TRDN: variants seen among roughly 807,000 people sequenced by gnomAD.
TRDN encodes triadin.
A neutral mutation model predicts 149.7 loss-of-function variants in TRDN; 161 were observed. The ratio of observed to expected loss-of-function variants is 1.08; its 90% confidence interval spans 0.95 to 1.23. TRDN has a LOEUF of 1.23. TRDN is among the 50% of genes most tolerant of loss of function. The pLI is 0.00. For missense variants in TRDN, 896 were observed against 823.5 expected, an observed-to-expected ratio of 1.09 and a Z score of -1.08; for synonymous variants, 294 against 250.5, an observed-to-expected ratio of 1.17 and a Z score of -1.64.
At position 123,461,946 on chromosome 6, in the gene TRDN, C is replaced by T. The variant is rs140650299; in HGVS notation, c.931+2960G>A. ...GGCGTTTCAGCCCTAGTAAGAGCTC[C>T]CAATAGACACGGGAATTCAAAATTG... On this transcript the variant is annotated intron_variant, in intron 10 of 40. Transcript: ENST00000334268. Among the ~76,000 whole-genome samples the T allele has an allele frequency of 6.9e-3, 1,056 of 152,058 alleles. 12 individuals are homozygous for T. Among genetic ancestry groups the T allele is most frequent in the African/African-American group, 0.024 (1,013 of 41,484 alleles).
chr6:123,557,791 T>TG (rs1215073045), intron 2 of TRDN, among the ~76,000 whole-genome samples: 1 of 151,580 alleles, frequency 6.6e-6, no homozygotes, highest in Non-Finnish European at 1.5e-5. Flanking sequence ...TCCACTTTCC[T>TG]GGGGGGCAAG....
chr6:123,341,092 T>G (rs1018100921), intron 21 of TRDN, among the ~76,000 whole-genome samples: 1 of 152,036 alleles, frequency 6.6e-6, no homozygotes, highest in East Asian at 1.9e-4. Flanking sequence ...CATATAAAAT[T>G]TATAAGTAAA....
chr6:123,455,845 G>T (rs13220681), intron 10 of TRDN, among the ~76,000 whole-genome samples: 25,697 of 151,866 alleles, frequency 0.17, 2,340 homozygotes, highest in South Asian at 0.29. Context: ...TAAAATTACT[G>T]TTTCCATATT....
chr6:123,420,526 A>G (rs1773853668), intron 12 of TRDN, among the ~76,000 whole-genome samples: 1 of 152,260 alleles, frequency 6.6e-6, no homozygotes, highest in Middle Eastern at 3.2e-3. Context: ...CTCCACATAC[A>G]GCAGAGGAGA....
intron 16 of TRDN, among the ~76,000 whole-genome samples, chr6:123,379,278 T>G (rs556490567): frequency 2.5e-3 from 374 of 152,254 alleles, no homozygotes; most frequent in African/African-American, 8.7e-3. Context: ...TAAATAAGTG[T>G]GGTATAATGA....
chr6:123,584,831 A>G (rs1161998782), intron 1 of TRDN, among the ~76,000 whole-genome samples: 31 of 152,290 alleles, frequency 2.0e-4, no homozygotes, highest in East Asian at 1.7e-3. Flanking sequence ...ATAGGAGAGT[A>G]TATGGATTTG....
chr6:123,262,779 G>A (rs1776817790), intron 33 of TRDN, among the ~76,000 whole-genome samples: 1 of 152,022 alleles, frequency 6.6e-6, no homozygotes, highest in African/African-American at 2.4e-5. Context: ...ATGGTGGTCT[G>A]TGATCAGTGA....
chr6:123,356,517 A>ATG, intron 20 of TRDN, among the ~76,000 whole-genome samples: 3 of 17,184 alleles, frequency 1.7e-4, no homozygotes, highest in Admixed American at 8.1e-4. Context: ...ATATATATAT[A>ATG]TATATATATA....
intron 24 of TRDN, among the ~76,000 whole-genome samples, chr6:123,301,788 C>CAT (rs1562252374): frequency 8.6e-5 from 3 of 34,970 alleles, no homozygotes; most frequent in Non-Finnish European, 7.6e-5. Context: ...TATATATATA[C>CAT]ATAAATGAAA....
intron 1 of TRDN, among the ~76,000 whole-genome samples, chr6:123,572,899 T>C (rs1782655054): frequency 6.6e-6 from 1 of 152,132 alleles, no homozygotes; most frequent in South Asian, 2.1e-4. Context: ...CAAATTTCTT[T>C]AACATTTTTC....
Position 123,302,534 on chromosome 6 carries a change from A to G in TRDN, c.1510+13923T>C, listed in dbSNP as rs138585244. On this transcript the variant is annotated intron_variant, in intron 24 of 40. Transcript: ENST00000334268. ...TGCCAACCAGTGCTCAGGAATGGCG[A>G]AGACCTCACCGTTAGTTAGCAAGCA... is the stretch of plus-strand genomic sequence containing the variant. 2.8e-3 allele frequency among the ~76,000 whole-genome samples: 420 copies of G among 152,234 alleles called. 2 individuals carry two copies. The highest frequency in any genetic ancestry group is 4.3e-3 in the Non-Finnish European group (295 of 68,024).
chr6:123,622,975 C>T (rs183916632), intron 1 of TRDN, among the ~76,000 whole-genome samples: 46 of 152,186 alleles, frequency 3.0e-4, no homozygotes, highest in Non-Finnish European at 4.4e-5. Flanking sequence ...TTGCAAAGCA[C>T]TCTCTTTCAC....
chr6:123,407,232 G>A (rs1773230891), intron 12 of TRDN, among the ~76,000 whole-genome samples: 1 of 152,168 alleles, frequency 6.6e-6, no homozygotes, highest in Non-Finnish European at 1.5e-5. Context: ...GGTAGTTACA[G>A]AAAGAATAAA....
At chr6:123,407,168 C>T (rs2114501791) in intron 12 of TRDN, among the ~76,000 whole-genome samples, 1 of 152,188 alleles carries the variant, frequency 6.6e-6, no homozygotes, top group East Asian at 1.9e-4. Context: ...AGTGTCTGTT[C>T]CTGATTTCAC....
At chr6:123,224,839 T>C (rs748472903) in intron 38 of TRDN, among the ~76,000 whole-genome samples, 1 of 151,714 alleles carries the variant, frequency 6.6e-6, no homozygotes, top group African/African-American at 2.4e-5. Flanking sequence ...ACATTGGTAT[T>C]GGCAATGATT....
At chr6:123,503,959 A>T in intron 7 of TRDN, 58 bp from the exon 8 acceptor site, 6 of 1,484,086 alleles carry the variant, frequency 4.0e-6, no homozygotes, top group Non-Finnish European at 5.4e-6. Flanking sequence ...ATAATGTTTC[A>T]TCTGTACTAT....
intron 38 of TRDN, among the ~76,000 whole-genome samples, chr6:123,246,564 A>G (rs1776189478): frequency 6.6e-6 from 1 of 151,910 alleles, no homozygotes; most frequent in South Asian, 2.1e-4. Flanking sequence ...AGACCAATAA[A>G]ACGTTCTGAA....
chr6:123,300,795 A>G (rs1161451105), intron 24 of TRDN, among the ~76,000 whole-genome samples: 2 of 152,014 alleles, frequency 1.3e-5, no homozygotes, highest in Non-Finnish European at 2.9e-5. Context: ...TCATGTACTT[A>G]CTAGTATAAT....
chr6:123,506,567 C>A (rs1778933927), intron 7 of TRDN, among the ~76,000 whole-genome samples: 2 of 151,932 alleles, frequency 1.3e-5, no homozygotes, highest in Non-Finnish European at 2.9e-5. Flanking sequence ...TGGCTCACTG[C>A]AACCTCTGCC....
Sources: gnomAD v4.1 joint callset for allele counts (sites outside exome capture counted in the v4.1 genomes callset) on GRCh38, gnomAD v4.1.1 for gene constraint, MANE v1.5 for transcripts, NCBI Gene and HGNC (gene_info 2026-07-23, HGNC 2026-07-21) for gene names.